HRC: variants seen among roughly 807,000 people sequenced by gnomAD.
HRC encodes histidine rich calcium binding protein, also known as sarcoplasmic reticulum histidine-rich calcium-binding protein.
HRC carries 41 observed loss-of-function variants against 61.4 expected under a neutral mutation model. The observed-to-expected ratio is 0.67, with a 90% CI of 0.52 to 0.87. The LOEUF (loss-of-function observed/expected upper bound fraction) is 0.87, where lower values mean the gene tolerates loss of function less well. Among genes scored for constraint, HRC ranks in the 40% least tolerant of loss-of-function variants. The probability of loss-of-function intolerance (pLI) is 0.00; values close to 1 mark genes in which losing one functional copy is unlikely to be tolerated. For synonymous variants in HRC, 308 were observed against 326.6 expected, an observed-to-expected ratio of 0.94 and a Z score of 0.62; for missense variants, 839 against 885.8, an observed-to-expected ratio of 0.95 and a Z score of 0.67.
Position 49,152,673 on chromosome 19 carries a change from G to A in HRC, c.1903-295C>T, listed in dbSNP as rs182497118. ...CAACCTCCGTCTCCCGGGTTCAAGCGATTCTCCTGCCTCGGCCTCCTGAGT... is the reference window on the plus strand; with the variant it reads ...CAACCTCCGTCTCCCGGGTTCAAGCAATTCTCCTGCCTCGGCCTCCTGAGT... On this transcript the variant is annotated intron_variant, in intron 2 of 5. Transcript: ENST00000252825. Among the ~76,000 whole-genome samples the A allele has an allele frequency of 3.9e-5, 6 of 152,066 alleles. No individual in the cohort carries two copies. The East Asian group carries it at 7.8e-4, about 20-fold the overall frequency.
At chr19:49,151,902 C>A in intron 4 of HRC, 102 bp downstream of exon 4, 1 of 1,209,376 alleles carries the variant, frequency 8.3e-7, no homozygotes, top group South Asian at 1.3e-5. Flanking sequence ...CCTCTTAGCC[C>A]CGCCCCACCA....
chr19:49,152,156 A>G, intron 3 of HRC, 98 bp from the exon 4 acceptor site: 3 of 1,305,880 alleles, frequency 2.3e-6, no homozygotes, highest in African/African-American at 1.4e-5. Flanking sequence ...GGCTAGGTCT[A>G]GGTTAAGGTT....
intron 2 of HRC, 90 bp from the exon 3 acceptor site, chr19:49,152,468 C>G: frequency 1.0e-6 from 1 of 997,478 alleles, no homozygotes; most frequent in Non-Finnish European, 1.5e-6. Flanking sequence ...CTGGACGCTT[C>G]CCCAGACTCT....
chr19:49,151,441 A>G, intron 5 of HRC, 76 bp downstream of exon 5: 1 of 1,588,932 alleles, frequency 6.3e-7, no homozygotes, highest in Non-Finnish European at 8.6e-7. Context: ...GGAGTCCCAG[A>G]GTCATCTGAT....
At position 49,153,363 on chromosome 19, in the gene HRC, G is replaced by A; in HGVS notation, c.1832-32C>T. ...GGACAGGAGGGCAGCAGTGACCCAG[G>A]CTGACTCGGTTCCTTCCCACCCACA... is the stretch of plus-strand genomic sequence containing the variant. On this transcript the variant is annotated intron_variant, in intron 1 of 5. Coordinates refer to ENST00000252825, the MANE Select transcript of HRC (RefSeq NM_002152.3). The surrounding 1 kb of genome is among the most constrained non-coding windows in gnomAD (Gnocchi z 4.8). 1 of 1,612,172 alleles carries A rather than the reference G, an allele frequency of 6.2e-7. No individual in the cohort carries two copies. The highest frequency in any genetic ancestry group is 8.5e-7 in the Non-Finnish European group (1 of 1,178,294).
intron 2 of HRC, 131 bp from the exon 3 acceptor site, chr19:49,152,509 A>G (rs900186410): frequency 4.9e-6 from 3 of 612,920 alleles, no homozygotes; most frequent in Admixed American, 3.3e-5. Flanking sequence ...TGAGCTCTGT[A>G]TCTGCCCCCC....
Position 49,154,664 on chromosome 19 carries a change from C to T in HRC, c.574G>A (p.Gly192Arg). 1 of 1,604,460 alleles carries T rather than the reference C, an allele frequency of 6.2e-7. No homozygotes were observed. The highest frequency in any genetic ancestry group is 8.5e-7 in the Non-Finnish European group (1 of 1,172,694). Reference protein sequence around the residue: ...HRGHDGEDDEGEEEEEEEEEE... With the variant: ...HRGHDGEDDEREEEEEEEEEE... ...TCCTCCTCCTCCTCCTCCTCTTCTC[C>T]TTCATCATCTTCCCCATCATGGCCT... Residue 192 changes from glycine (G) to arginine (R), a missense_variant, in exon 1 of 6, where the codon GGA (glycine) becomes AGA (arginine). By Grantham distance (125) the Gly-to-Arg change is moderately radical. Transcript: ENST00000252825.
Position 49,151,506 on chromosome 19 carries a change from TAC to T in HRC, c.2063+9_2063+10del. On this transcript the variant is annotated intron_variant, in intron 5 of 5. Coordinates refer to ENST00000252825, the MANE Select transcript of HRC (RefSeq NM_002152.3). ...ACGGGGCTTTTACACGCTCCCCTTT[TAC>T]ACACTTACTGATAAAGGGACGAGGA... 5 of 1,613,538 alleles carry T rather than the reference TAC, an allele frequency of 3.1e-6. No homozygotes were observed. The highest frequency in any genetic ancestry group is 4.2e-6 in the Non-Finnish European group (5 of 1,179,548).
intron 5 of HRC, 90 bp from the exon 6 acceptor site, chr19:49,151,422 C>T (rs951572744): frequency 5.1e-6 from 8 of 1,578,672 alleles, no homozygotes; most frequent in East Asian, 2.2e-5. Context: ...ATTTCATGGA[C>T]GGGGAAATGG....
Position 49,154,406 on chromosome 19 carries a change from TC to T in HRC, c.831del (p.Ile278LeufsTer97). ...TCTGAGACATCTTCATCCTCTTCAA[TC>T]CCGTGGCCTTGGTGCCTGTGAGCCT... ...RHQAHRHQGH[G>X]IEEDEDVSDG... On this transcript the variant is annotated frameshift_variant, in exon 1 of 6. Coordinates refer to ENST00000252825, the MANE Select transcript of HRC (RefSeq NM_002152.3). LOFTEE classifies it high-confidence loss of function. 6.2e-7 allele frequency: 1 copy of T among 1,609,440 alleles called. No homozygotes were observed. The highest frequency in any genetic ancestry group is 1.4e-5 in the African/African-American group (1 of 73,034).
At position 49,153,498 on chromosome 19, in the gene HRC, A is replaced by C. The variant is rs769255826; in HGVS notation, c.1740T>G (p.Asp580Glu). 1.9e-6 allele frequency: 3 copies of C among 1,586,532 alleles called. No individual in the cohort carries two copies. The highest frequency in any genetic ancestry group is 2.2e-5 in the East Asian group (1 of 44,706). Reference sequence around the variant, plus strand: ...TGGGGATGATGGTGAAGCGGGGCTCATCTTCCTCCAGCCCCTCCTCCTCCT... The same window carrying C: ...TGGGGATGATGGTGAAGCGGGGCTCCTCTTCCTCCAGCCCCTCCTCCTCCT... ...EEEEEEGLEEDEPRFTIIPNP... is the reference protein window; with the variant it reads ...EEEEEEGLEEEEPRFTIIPNP... The change falls in exon 1 of 6, where the codon GAT becomes GAG. Residue 580 changes from aspartate to glutamate, a missense_variant. Physicochemically the swap from Asp to Glu is conservative, Grantham distance 45. Transcript: ENST00000252825. The surrounding 1 kb of genome is among the most constrained non-coding windows in gnomAD (Gnocchi z 4.8).
Position 49,154,313 on chromosome 19 carries a change from C to T in HRC, c.925G>A (p.Asp309Asn). The stretch of plus-strand genomic sequence containing the variant: ...TGGTGTCCATACTCAGTGGAGACAT[C>T]ATCATCATCATTGTCATCTTCTTCA... ...SHEEDDNDDDDVSTEYGHQAH... is the reference protein window; with the variant it reads ...SHEEDDNDDDNVSTEYGHQAH... Residue 309 changes from aspartate (D) to asparagine (N), a missense_variant, in exon 1 of 6, where the codon GAT becomes AAT. Transcript: ENST00000252825. 6.2e-7 allele frequency: 1 copy of T among 1,613,098 alleles called. No individual in the cohort carries two copies. Among genetic ancestry groups the T allele is most frequent in the Non-Finnish European group, 8.5e-7 (1 of 1,179,732 alleles).
intron 4 of HRC, 71 bp downstream of exon 4, chr19:49,151,933 C>T (rs2041363973): frequency 2.0e-6 from 3 of 1,466,970 alleles, no homozygotes; most frequent in Admixed American, 1.7e-5. Context: ...CCAGGCTCCG[C>T]CCCCACCAGG....
Position 49,154,198 on chromosome 19 carries a change from C to T in HRC, c.1040G>A (p.Gly347Asp). ...HHHVPDHRHQ[G>D]HRDEEEDEDV... is the part of the protein sequence containing the mutation. ...CTCATCTTCTTCCTCGTCTCTGTGG[C>T]CTTGGTGCCTGTGGTCAGGGACATG... Residue 347 changes from glycine (G) to aspartate (D), a missense_variant, in exon 1 of 6, where the codon GGC becomes GAC. Coordinates refer to ENST00000252825, the MANE Select transcript of HRC (RefSeq NM_002152.3). 2 of 1,613,974 alleles carry T rather than the reference C, an allele frequency of 1.2e-6. No homozygotes were observed. Among genetic ancestry groups the T allele is most frequent in the Non-Finnish European group, 1.7e-6 (2 of 1,179,968 alleles).
chr19:49,151,980 T>C, intron 4 of HRC, 24 bp downstream of exon 4: 1 of 1,612,806 alleles, frequency 6.2e-7, no homozygotes, highest in Non-Finnish European at 8.5e-7. Context: ...CCTCAGGTTT[T>C]TCCAGGGCCC....
Position 49,153,770 on chromosome 19 carries a change from C to A in HRC, c.1468G>T (p.Glu490Ter), listed in dbSNP as rs2122688914. 1.2e-6 allele frequency: 2 copies of A among 1,614,130 alleles called. No individual in the cohort carries two copies. The highest frequency in any genetic ancestry group is 1.7e-6 in the Non-Finnish European group (2 of 1,180,016). Reference protein sequence around the residue: ...DDSEEEKEKEEDPGSHEEDDE... With the variant: ...DDSEEEKEKE ...TCTTCCTCATGGGAGCCGGGGTCCT[C>A]TTCCTTCTCCTTTTCCTCCTCAGAA... Residue 490 changes from glutamate to a stop codon, truncating the protein, a stop_gained, in exon 1 of 6, where the codon GAG (glutamate) becomes TAG (stop). Transcript: ENST00000252825. LOFTEE classifies it high-confidence loss of function. The surrounding 1 kb of genome is among the most constrained non-coding windows in gnomAD (Gnocchi z 4.8).
Position 49,153,792 on chromosome 19 carries a change from A to G in HRC, c.1446T>C (p.Ser482=), listed in dbSNP as rs2041385749. The change falls in exon 1 of 6, where the codon TCT becomes TCC. Residue 482 remains serine, a synonymous_variant. Coordinates refer to ENST00000252825, the MANE Select transcript of HRC (RefSeq NM_002152.3). The surrounding 1 kb of genome is among the most constrained non-coding windows in gnomAD (Gnocchi z 4.8). ...KDRSHLRKDD[S]EEEKEKEEDP... is the part of the protein sequence containing the mutation. ...CCTCTTCCTTCTCCTTTTCCTCCTC[A>G]GAATCATCCTTCCTCAAATGGCTTC... is the stretch of plus-strand genomic sequence containing the variant. The G allele has an allele frequency of 1.9e-6, 3 of 1,613,898 alleles. No homozygotes were observed. The South Asian group carries it at 3.3e-5, about 18-fold the overall frequency.
intron 4 of HRC, 106 bp from the exon 5 acceptor site, chr19:49,151,659 C>T (rs2041360674): frequency 3.0e-6 from 3 of 990,014 alleles, no homozygotes; most frequent in Admixed American, 2.1e-5. Flanking sequence ...CTCCTTTTCC[C>T]TAATTCCTTC....
chr19:49,152,203 G>A (rs1470329837), intron 3 of HRC, 107 bp downstream of exon 3: 1 of 1,251,540 alleles, frequency 8.0e-7, no homozygotes. Context: ...GGTTGCATCA[G>A]GGGTAAGGGG....
Sources: allele counts gnomAD v4.1 joint callset (sites outside exome capture counted in the v4.1 genomes callset), GRCh38; gene constraint gnomAD v4.1.1; non-coding constraint Gnocchi (gnomAD v3.1); transcripts MANE v1.5; gene names NCBI Gene and HGNC (gene_info 2026-07-23, HGNC 2026-07-21).